EFCAB6: variants seen among roughly 807,000 people sequenced by gnomAD.
EFCAB6 encodes EF-hand calcium binding domain 6.
Under a neutral mutation model 169.8 loss-of-function variants are expected in EFCAB6, and 156 were observed. The ratio of observed to expected loss-of-function variants is 0.92; its 90% CI spans 0.81 to 1.05. The LOEUF (loss-of-function observed/expected upper bound fraction) is 1.05. Among genes scored for constraint, EFCAB6 ranks in the 50% least tolerant of loss-of-function variants. The pLI is 0.00. For synonymous variants in EFCAB6, 698 were observed against 676.4 expected, an observed-to-expected ratio of 1.03 and a Z score of -0.50; for missense variants, 1,800 against 1,829.1, an observed-to-expected ratio of 0.98 and a Z score of 0.29.
At chr22:43,627,760 G>C (rs1390964685) in intron 19 of EFCAB6, among the ~76,000 whole-genome samples, 2 of 152,136 alleles carry the variant, frequency 1.3e-5, no homozygotes, top group Admixed American at 6.5e-5. Flanking sequence ...CTTGTTACAG[G>C]CTCCTCCCAC....
At chr22:43,545,269 A>G (rs1013142365) in intron 27 of EFCAB6, among the ~76,000 whole-genome samples, 2 of 152,208 alleles carry the variant, frequency 1.3e-5, no homozygotes, top group South Asian at 2.1e-4. Flanking sequence ...ACAATACAAT[A>G]CAAATAGAAC....
chr22:43,639,926 G>C (rs61678769), intron 17 of EFCAB6, among the ~76,000 whole-genome samples: 7,174 of 152,104 alleles, frequency 0.047, 194 homozygotes, highest in African/African-American at 0.055. Flanking sequence ...TTCTGTGGTT[G>C]AGCTATGTGG....
At chr22:43,599,253 G>A (rs759303929) in intron 23 of EFCAB6, among the ~76,000 whole-genome samples, 1 of 151,996 alleles carries the variant, frequency 6.6e-6, no homozygotes, top group South Asian at 2.1e-4. Flanking sequence ...TGCTGTTATA[G>A]ACACACTGCA....
At chr22:43,805,863 C>A (rs964354285) in intron 2 of EFCAB6, among the ~76,000 whole-genome samples, 1 of 152,084 alleles carries the variant, frequency 6.6e-6, no homozygotes, top group African/African-American at 2.4e-5. Flanking sequence ...AATAAAATTT[C>A]TTTTAAGAAA....
At chr22:43,570,115 C>T (rs2049752091) in intron 26 of EFCAB6, 1 of 152,184 alleles carries the variant, frequency 6.6e-6, no homozygotes, top group Non-Finnish European at 1.5e-5. Flanking sequence ...CTACATTCTT[C>T]ACTTCTCTCT....
At chr22:43,751,478 C>T (rs1229646140) in intron 6 of EFCAB6, among the ~76,000 whole-genome samples, 1 of 152,206 alleles carries the variant, frequency 6.6e-6, no homozygotes, top group African/African-American at 2.4e-5. Context: ...TGGCAGTCCT[C>T]GCCTGAAGAA....
chr22:43,562,911 T>C (rs1038526164), intron 26 of EFCAB6, among the ~76,000 whole-genome samples: 5 of 152,150 alleles, frequency 3.3e-5, no homozygotes, highest in African/African-American at 1.2e-4. Flanking sequence ...GGGCATGGCC[T>C]GCTGTCTCTA....
chr22:43,801,032 A>G (rs1259792969), intron 2 of EFCAB6, among the ~76,000 whole-genome samples: 2 of 152,176 alleles, frequency 1.3e-5, no homozygotes, highest in Admixed American at 1.3e-4. Flanking sequence ...TCCAAGGCAT[A>G]TAATAAACTC....
chr22:43,670,863 C>CCAG lies in EFCAB6; in HGVS notation c.1640+1107_1640+1109dup, dbSNP rs754391057. On this transcript the variant is annotated intron_variant, in intron 15 of 31. Transcript: ENST00000262726. ...CAGGTCAACATAGCTGGAGCTGAGA[C>CCAG]CAGCAGCAGCAGCAGCAGCAGCGGC... Among the ~76,000 whole-genome samples, 14 of 151,914 alleles carry CCAG rather than the reference C, an allele frequency of 9.2e-5. No homozygotes were observed. In the East Asian group the frequency reaches 9.7e-4, roughly 10 times the overall value.
At chr22:43,555,939 C>T (rs2048679818) in intron 26 of EFCAB6, among the ~76,000 whole-genome samples, 1 of 152,194 alleles carries the variant, frequency 6.6e-6, no homozygotes, top group Non-Finnish European at 1.5e-5. Context: ...GCCAGGTGAG[C>T]TAGGAGGGGC....
chr22:43,657,135 C>A (rs137755), intron 17 of EFCAB6, among the ~76,000 whole-genome samples: 77,907 of 150,968 alleles, frequency 0.52, 20,783 homozygotes, highest in East Asian at 0.77. Flanking sequence ...ACAAAAAAAA[C>A]CCCACAAAAG....
At chr22:43,545,091 G>A (rs536819428) in intron 27 of EFCAB6, among the ~76,000 whole-genome samples, 1 of 152,290 alleles carries the variant, frequency 6.6e-6, no homozygotes, top group East Asian at 1.9e-4. Context: ...AGCTTGCAGT[G>A]AGCCGAGATC....
chr22:43,773,575 C>T (rs776659890), intron 3 of EFCAB6, among the ~76,000 whole-genome samples: 4 of 152,204 alleles, frequency 2.6e-5, no homozygotes, highest in Non-Finnish European at 4.4e-5. Context: ...GGGCTGGGCA[C>T]GGTGGCTCAC....
chr22:43,623,400 GATCA>G (rs2054243365), intron 20 of EFCAB6, among the ~76,000 whole-genome samples: 2 of 152,192 alleles, frequency 1.3e-5, no homozygotes, highest in Admixed American at 1.3e-4. Context: ...TAAGTCATTG[GATCA>G]GTCATTCTAC....
At chr22:43,678,830 C>T (rs80244436) in intron 12 of EFCAB6, among the ~76,000 whole-genome samples, 12,644 of 152,132 alleles carry the variant, frequency 0.083, 659 homozygotes, top group South Asian at 0.17. Flanking sequence ...TTACCTCATA[C>T]GGAGACAGTG....
intron 19 of EFCAB6, 59 bp from the exon 20 acceptor site, chr22:43,626,738 G>A (rs2054553976): frequency 1.6e-5 from 24 of 1,526,660 alleles, no homozygotes; most frequent in South Asian, 2.3e-5. Flanking sequence ...GGCCACACAT[G>A]CACACCCCCA....
At chr22:43,672,195 C>A in intron 14 of EFCAB6, 51 bp downstream of exon 14, 1 of 1,613,918 alleles carries the variant, frequency 6.2e-7, no homozygotes, top group South Asian at 1.1e-5. Flanking sequence ...GTAACAGTAA[C>A]CTCAAACCAT....
intron 2 of EFCAB6, among the ~76,000 whole-genome samples, chr22:43,794,488 T>A (rs542266733): frequency 1.5e-4 from 23 of 152,350 alleles, no homozygotes; most frequent in African/African-American, 4.8e-4. Context: ...TATGTGTGTA[T>A]GCATTTGCCT....
At position 43,534,685 on chromosome 22, in the gene EFCAB6, T is replaced by C. The variant is rs754355414; in HGVS notation, c.4233+3A>G. ...CCACATTTCCTGCAGGTGGGCAACA[T>C]ACCATCTTGTGTGCATTCTGGATCT... On this transcript the variant is annotated splice_donor_region_variant and intron_variant, in intron 30 of 31. Transcript: ENST00000262726. 6 of 1,592,840 alleles carry C rather than the reference T, an allele frequency of 3.8e-6. No individual in the cohort carries two copies. The highest frequency in any genetic ancestry group is 5.1e-6 in the Non-Finnish European group (6 of 1,172,146).
Sources: gnomAD v4.1 joint callset for allele counts (sites outside exome capture counted in the v4.1 genomes callset) on GRCh38, gnomAD v4.1.1 for gene constraint, MANE v1.5 for transcripts, NCBI Gene and HGNC (gene_info 2026-07-23, HGNC 2026-07-21) for gene names.